NEXMIF: variants seen among roughly 807,000 people sequenced by gnomAD.
The protein encoded by NEXMIF is XLMR protein related to neurite extension.
In NEXMIF, 8 loss-of-function variants were observed where a neutral mutation model predicts 62.1. That is an observed-to-expected ratio of 0.13 (90% CI 0.08 to 0.23). The LOEUF is 0.23. Ranked by LOEUF, NEXMIF falls within the 10% of genes least tolerant of loss-of-function variation. NEXMIF has a pLI of 1.00. For missense variants in NEXMIF, 976 were observed against 1,113.3 expected, an observed-to-expected ratio of 0.88 and a Z score of 1.75; for synonymous variants, 404 against 416.6, an observed-to-expected ratio of 0.97 and a Z score of 0.37.
chrX:74,867,295 G>A (rs1157217394), intron 1 of NEXMIF, among the ~76,000 whole-genome samples: 1 of 111,492 alleles, frequency 9.0e-6, no homozygotes, highest in Admixed American at 9.5e-5. Flanking sequence ...AATTCGTATG[G>A]AACCAAAAAA....
intron 1 of NEXMIF, among the ~76,000 whole-genome samples, chrX:74,872,830 A>C (rs753560984): frequency 8.3e-4 from 92 of 110,457 alleles, no homozygotes; most frequent in African/African-American, 2.7e-3. Flanking sequence ...AAATTTAAAA[A>C]TAAACAATTT....
chrX:74,782,166 GCTAC>G (rs2080249101), intron 1 of NEXMIF, among the ~76,000 whole-genome samples: 1 of 111,371 alleles, frequency 9.0e-6, no homozygotes, highest in African/African-American at 3.3e-5. Flanking sequence ...TCTCTCAGGA[GCTAC>G]ATTTACTTTA....
At chrX:74,920,346 T>C (rs1232868174) in intron 1 of NEXMIF, among the ~76,000 whole-genome samples, 1 of 112,293 alleles carries the variant, frequency 8.9e-6, no homozygotes, top group African/African-American at 3.2e-5. Context: ...TATCTCATTG[T>C]GGTTTTCATT....
At chrX:74,832,597 TG>T (rs770173213) in intron 1 of NEXMIF, among the ~76,000 whole-genome samples, 26 of 112,126 alleles carry the variant, frequency 2.3e-4, no homozygotes, top group Non-Finnish European at 4.5e-4. Flanking sequence ...ATTGATTTTT[TG>T]TATTGTTTTC....
intron 1 of NEXMIF, among the ~76,000 whole-genome samples, chrX:74,762,740 C>T (rs1268625043): frequency 1.3e-4 from 14 of 111,953 alleles, no homozygotes; most frequent in Non-Finnish European, 1.1e-4. Flanking sequence ...TTTCATGTGT[C>T]TGTTGGCTGC....
At chrX:74,918,390 A>G (rs1255934245) in intron 1 of NEXMIF, among the ~76,000 whole-genome samples, 1 of 112,012 alleles carries the variant, frequency 8.9e-6, no homozygotes, top group Non-Finnish European at 1.9e-5. Context: ...TTTAGTAACT[A>G]AAGACAAAGC....
intron 1 of NEXMIF, among the ~76,000 whole-genome samples, chrX:74,864,711 C>T (rs753469753): frequency 9.5e-6 from 1 of 105,128 alleles, no homozygotes; most frequent in Admixed American, 1.0e-4. Context: ...TCAGGTATTT[C>T]TTTTTTTTTT....
At chrX:74,907,735 G>C (rs866834941) in intron 1 of NEXMIF, among the ~76,000 whole-genome samples, 22 of 111,541 alleles carry the variant, frequency 2.0e-4, no homozygotes, top group African/African-American at 5.9e-4. Flanking sequence ...GGATGATCAG[G>C]TATTATTATT....
At chrX:74,904,860 G>A (rs1200283098) in intron 1 of NEXMIF, among the ~76,000 whole-genome samples, 2 of 110,872 alleles carry the variant, frequency 1.8e-5, no homozygotes, top group Non-Finnish European at 3.8e-5. Context: ...TTCATGGAAT[G>A]GGGTAACAGA....
intron 1 of NEXMIF, among the ~76,000 whole-genome samples, chrX:74,882,596 G>A (rs941771542): frequency 3.6e-5 from 4 of 111,748 alleles, no homozygotes; most frequent in Non-Finnish European, 5.6e-5. Flanking sequence ...GTGAGGTTGG[G>A]GGAGGGGCGC....
Position 74,795,933 on chromosome X carries a change from C to T in NEXMIF, c.-47-50236G>A, listed in dbSNP as rs1248436132. Among the ~76,000 whole-genome samples the T allele has an allele frequency of 6.8e-5, 7 of 103,361 alleles. No homozygotes were observed. In the Admixed American group the frequency reaches 7.9e-4, roughly 12 times the overall value. The allele number at this position is 103,361 out of a possible 115,157, so 89.8% of individuals were successfully genotyped here. On this transcript the variant is annotated intron_variant, in intron 1 of 3. Transcript: ENST00000055682. Reference sequence around the variant, plus strand: ...GTGGTATAGATGAACAATTGTGAGACTGGTTTGAATGTACTGGGTTTGAAC... The same window carrying T: ...GTGGTATAGATGAACAATTGTGAGATTGGTTTGAATGTACTGGGTTTGAAC...
chrX:74,820,936 C>G (rs1164900399), intron 1 of NEXMIF, among the ~76,000 whole-genome samples: 1 of 110,938 alleles, frequency 9.0e-6, no homozygotes, highest in Non-Finnish European at 1.9e-5. Flanking sequence ...CCTGGGTGAA[C>G]ATGAAATAAT....
At chrX:74,909,648 C>G (rs1210533197) in intron 1 of NEXMIF, among the ~76,000 whole-genome samples, 4 of 112,059 alleles carry the variant, frequency 3.6e-5, no homozygotes, top group African/African-American at 1.3e-4. Context: ...TGTTAATCCC[C>G]AAGACAATGG....
At chrX:74,798,332 C>G (rs1001820231) in intron 1 of NEXMIF, among the ~76,000 whole-genome samples, 1 of 112,362 alleles carries the variant, frequency 8.9e-6, no homozygotes, top group Non-Finnish European at 1.9e-5. Flanking sequence ...AACCACCACA[C>G]TTAGCTGTGC....
At chrX:74,898,021 C>T (rs1033165976) in intron 1 of NEXMIF, among the ~76,000 whole-genome samples, 1 of 111,737 alleles carries the variant, frequency 8.9e-6, no homozygotes, top group Non-Finnish European at 1.9e-5. Context: ...ATCTCCAGTG[C>T]ACAAGAATTC....
chrX:74,823,499 T>C (rs1426036979), intron 1 of NEXMIF, among the ~76,000 whole-genome samples: 1 of 111,917 alleles, frequency 8.9e-6, no homozygotes, highest in Non-Finnish European at 1.9e-5. Context: ...CAATTTGAGC[T>C]TTTCATTTTC....
At chrX:74,763,531 G>A (rs2080184411) in intron 1 of NEXMIF, among the ~76,000 whole-genome samples, 1 of 111,655 alleles carries the variant, frequency 9.0e-6, no homozygotes, top group African/African-American at 3.3e-5. Flanking sequence ...GATGGTGATG[G>A]CATTGAATCT....
At chrX:74,878,582 C>T (rs2080648752) in intron 1 of NEXMIF, among the ~76,000 whole-genome samples, 1 of 112,738 alleles carries the variant, frequency 8.9e-6, no homozygotes, top group Non-Finnish European at 1.9e-5. Context: ...GCGCCCCTCC[C>T]CCAGCCTCGC....
chrX:74,742,553 ATCT>A lies in NEXMIF; in HGVS notation c.2001_2003del (p.Glu667del), dbSNP rs764439412. ...ACTTCAGTGTACCTTTTAGGCCTCC[ATCT>A]TCTTTATGATTACTAGCGTGCCTCT... On this transcript the variant is annotated inframe_deletion, in exon 3 of 4. Coordinates refer to ENST00000055682, the MANE Select transcript of NEXMIF (RefSeq NM_001008537.3). The A allele has an allele frequency of 3.2e-5, 39 of 1,207,812 alleles. No individual in the cohort carries two copies. Among genetic ancestry groups the A allele is most frequent in the Admixed American group, 2.2e-4 (10 of 45,587 alleles).
Sources: gnomAD v4.1 joint callset for allele counts (sites outside exome capture counted in the v4.1 genomes callset) on GRCh38, gnomAD v4.1.1 for gene constraint, MANE v1.5 for transcripts, NCBI Gene and HGNC (gene_info 2026-07-23, HGNC 2026-07-21) for gene names.